WWOX: variants seen among roughly 807,000 people sequenced by gnomAD.
The protein encoded by WWOX is WW domain containing oxidoreductase.
Under a neutral mutation model 46.2 loss-of-function variants are expected in WWOX, and 69 were observed. That is an observed-to-expected ratio of 1.49 (90% CI 1.23 to 1.82). WWOX has a LOEUF of 1.82. WWOX is among the 40% of genes most tolerant of loss of function. WWOX has a pLI of 0.00. For synonymous variants in WWOX, 359 were observed against 202.6 expected, an observed-to-expected ratio of 1.77 and a Z score of -6.56; for missense variants, 919 against 542.6, an observed-to-expected ratio of 1.69 and a Z score of -6.89.
At chr16:78,917,470 G>T (rs575925671) in intron 8 of WWOX, among the ~76,000 whole-genome samples, 1 of 151,242 alleles carries the variant, frequency 6.6e-6, no homozygotes, top group Non-Finnish European at 1.5e-5. Context: ...TACCTACCCC[G>T]AGAGCTGGCT....
At chr16:78,122,432 TA>T (rs945322197) in intron 4 of WWOX, among the ~76,000 whole-genome samples, 1 of 152,102 alleles carries the variant, frequency 6.6e-6, no homozygotes, top group African/African-American at 2.4e-5. Context: ...AACCCATAAT[TA>T]AAAAAATTAA....
rs115181054 is a variant in WWOX, at chr16:78,822,063, G to C, written c.1056+389311G>C. Among the ~76,000 whole-genome samples, 773 of 152,196 alleles carry C rather than the reference G, an allele frequency of 5.1e-3. 3 individuals are homozygous for C. Among genetic ancestry groups the C allele is most frequent in the African/African-American group, 0.018 (731 of 41,526 alleles). On this transcript the variant is annotated intron_variant, in intron 8 of 8. Coordinates refer to ENST00000566780, the MANE Select transcript of WWOX (RefSeq NM_016373.4). ...AGCTATTTTTAAAATTTCCTGTAGA[G>C]ATGGGGTCTCAGTGCATTGGCCAGA...
chr16:79,001,150 C>G (rs554739562), intron 8 of WWOX, among the ~76,000 whole-genome samples: 1 of 152,156 alleles, frequency 6.6e-6, no homozygotes, highest in African/African-American at 2.4e-5. Flanking sequence ...CAGGGAGCTG[C>G]GATTTAATTT....
At chr16:78,857,435 T>A (rs2052592646) in intron 8 of WWOX, among the ~76,000 whole-genome samples, 1 of 152,138 alleles carries the variant, frequency 6.6e-6, no homozygotes. Flanking sequence ...GAATAGAACC[T>A]TTTTTTCCAT....
intron 8 of WWOX, among the ~76,000 whole-genome samples, chr16:78,542,897 G>A (rs1287020485): frequency 1.3e-5 from 2 of 152,208 alleles, no homozygotes; most frequent in African/African-American, 2.4e-5. Context: ...GATCCCTGAG[G>A]ATGTTAGCCC....
In WWOX at chr16:78,342,246, A is replaced by G. The variant is rs530566486; in HGVS notation, c.517-44614A>G. Among the ~76,000 whole-genome samples the G allele has an allele frequency of 9.9e-5, 12 of 121,370 alleles. 1 individual carries two copies. In the South Asian group the frequency reaches 3.0e-3, roughly 30 times the overall value. 79.6% of individuals were successfully genotyped at this position (121,370 alleles called of 152,430 possible). On this transcript the variant is annotated intron_variant, in intron 5 of 8. Coordinates refer to ENST00000566780, the MANE Select transcript of WWOX (RefSeq NM_016373.4). ...TACATAAGTGTCAGCTGCTACGACA[A>G]ACAACTTGCAACGTCTCATTATCTT...
chr16:79,037,644 A>G (rs1468592644), intron 8 of WWOX, among the ~76,000 whole-genome samples: 1 of 152,192 alleles, frequency 6.6e-6, no homozygotes, highest in East Asian at 1.9e-4. Context: ...ACACCCTCCC[A>G]ACCTCCTGCA....
At chr16:79,194,550 T>A (rs986260450) in intron 8 of WWOX, among the ~76,000 whole-genome samples, 2 of 151,846 alleles carry the variant, frequency 1.3e-5, no homozygotes, top group African/African-American at 4.9e-5. Flanking sequence ...AGATCTCGGC[T>A]CCGACGTTAC....
intron 8 of WWOX, among the ~76,000 whole-genome samples, chr16:78,955,864 T>C (rs2046155387): frequency 6.6e-6 from 1 of 151,910 alleles, no homozygotes; most frequent in South Asian, 2.1e-4. Context: ...GGCTGGTCTC[T>C]AATTCCTGGC....
chr16:78,204,117 G>GTA (rs1355900716), intron 5 of WWOX, among the ~76,000 whole-genome samples: 2 of 152,214 alleles, frequency 1.3e-5, no homozygotes, highest in Non-Finnish European at 2.9e-5. Context: ...TGTACTACCT[G>GTA]TAGCAAGAGC....
intron 8 of WWOX, among the ~76,000 whole-genome samples, chr16:78,588,325 C>G (rs2045268105): frequency 6.6e-6 from 1 of 152,138 alleles, no homozygotes; most frequent in African/African-American, 2.4e-5. Flanking sequence ...CTGGCTATTG[C>G]ATTTAATTCC....
intron 8 of WWOX, among the ~76,000 whole-genome samples, chr16:78,480,464 C>T (rs2084459478): frequency 6.6e-6 from 1 of 152,176 alleles, no homozygotes; most frequent in Admixed American, 6.5e-5. Context: ...TTTACATGTA[C>T]TGTCCTTTCA....
At chr16:79,210,952 T>G (rs1182968529) in intron 8 of WWOX, among the ~76,000 whole-genome samples, 1 of 152,126 alleles carries the variant, frequency 6.6e-6, no homozygotes, top group Non-Finnish European at 1.5e-5. Flanking sequence ...GGGTCAAATA[T>G]GACATTTAGA....
At chr16:78,689,427 A>T (rs1487200861) in intron 8 of WWOX, among the ~76,000 whole-genome samples, 4 of 152,218 alleles carry the variant, frequency 2.6e-5, no homozygotes, top group Non-Finnish European at 5.9e-5. Context: ...TCCCTCTGGC[A>T]AAGAATCCTT....
chr16:79,019,363 C>G (rs2047485328), intron 8 of WWOX, among the ~76,000 whole-genome samples: 1 of 151,988 alleles, frequency 6.6e-6, no homozygotes, highest in Non-Finnish European at 1.5e-5. Context: ...GGTCTAGCCT[C>G]TTGGTCTTAG....
chr16:78,572,543 C>T (rs2044742455), intron 8 of WWOX, among the ~76,000 whole-genome samples: 2 of 130,952 alleles, frequency 1.5e-5, no homozygotes, highest in African/African-American at 6.0e-5. Context: ...GTCGAGGCTG[C>T]AGTGAGCCAT....
At chr16:79,074,210 G>A (rs6564638) in intron 8 of WWOX, among the ~76,000 whole-genome samples, 101,136 of 151,680 alleles carry the variant, frequency 0.67, 34,249 homozygotes, top group Middle Eastern at 0.78. Context: ...GCAAATATGT[G>A]GAAGGAACCT....
chr16:78,362,009 C>G (rs1422412171), intron 5 of WWOX, among the ~76,000 whole-genome samples: 4 of 119,304 alleles, frequency 3.4e-5, no homozygotes, highest in East Asian at 4.2e-4. Flanking sequence ...TCCATTTATT[C>G]TGTTGCTGAA....
intron 8 of WWOX, among the ~76,000 whole-genome samples, chr16:78,718,970 C>A (rs562394893): frequency 2.7e-4 from 40 of 150,454 alleles, no homozygotes; most frequent in African/African-American, 9.3e-4. Context: ...CACTCATTCA[C>A]ATTTTTTTGA....
Sources: gnomAD v4.1 joint callset for allele counts (sites outside exome capture counted in the v4.1 genomes callset) on GRCh38, gnomAD v4.1.1 for gene constraint, MANE v1.5 for transcripts, NCBI Gene and HGNC (gene_info 2026-07-23, HGNC 2026-07-21) for gene names.